CLDND1: variants seen among roughly 807,000 people sequenced by gnomAD.
CLDND1 encodes the protein claudin domain-containing protein 1.
CLDND1 carries 13 observed loss-of-function variants against 26.3 expected under a neutral mutation model. The ratio of observed to expected loss-of-function variants is 0.49; its 90% CI spans 0.32 to 0.78. The LOEUF (loss-of-function observed/expected upper bound fraction) is 0.78, where lower values mean the gene tolerates loss of function less well. CLDND1 is among the 30% of genes least tolerant of loss of function. The probability of loss-of-function intolerance (pLI) is 0.03; values close to 1 mark genes in which losing one functional copy is unlikely to be tolerated. For missense variants in CLDND1, 289 were observed against 312.8 expected (o/e 0.92, Z 0.57); for synonymous variants, 107 against 107.0 (o/e 1.00, Z 0.00).
rs1434809578 is a variant in CLDND1 at position 98,521,450 on chromosome 3, G to A, written c.-18-8C>T. ...TCTGGCATTCAGACTGCTCTGTTTA[G>A]AAGTTGAAGAAAGAAGATAAGTTAG... On this transcript the variant is annotated splice_region_variant and splice_polypyrimidine_tract_variant and intron_variant, in intron 1 of 4. Transcript: ENST00000341181. 1 of 1,604,316 alleles carries A rather than the reference G, an allele frequency of 6.2e-7. No homozygotes were observed.
rs1166582277 is a variant in CLDND1, at chr3:98,516,721, T to C, written c.700A>G (p.Ile234Val). The change falls in exon 5 of 5, where the codon ATC becomes GTC. Residue 234 changes from isoleucine to valine, a missense_variant. Transcript: ENST00000341181. The stretch of plus-strand genomic sequence containing the variant: ...TTCCGGTTGGTGTGAGCAGCCCAGA[T>C]GAAGAGAGCAGAAGCCATGAACTGT... Reference protein sequence around the residue: ...PLQFMASALFIWAAHTNRKEY... With the variant: ...PLQFMASALFVWAAHTNRKEY... 1.2e-6 allele frequency: 2 copies of C among 1,613,990 alleles called. No homozygotes were observed. The highest frequency in any genetic ancestry group is 1.1e-5 in the South Asian group (1 of 91,068).
At position 98,518,902 on chromosome 3, in the gene CLDND1, A is replaced by G; in HGVS notation, c.386T>C (p.Ile129Thr). Residue 129 changes from isoleucine (I) to threonine (T), a missense_variant, in exon 3 of 5, where the codon ATT becomes ACT. Coordinates refer to ENST00000341181, the MANE Select transcript of CLDND1 (RefSeq NM_001040181.2). ...FVDPGNHNSG[I>T]DLLRTYLWRC... ...GTACTCACAGGTCCTAAGGAGATCA[A>G]TCCCGCTATTGTGGTTTCCGGGATC... 2.5e-6 allele frequency: 4 copies of G among 1,607,658 alleles called. No homozygotes were observed. The highest frequency in any genetic ancestry group is 3.4e-6 in the Non-Finnish European group (4 of 1,174,168).
chr3:98,521,991 A>T (rs1307294718), intron 1 of CLDND1: 2 of 395,658 alleles, frequency 5.1e-6, no homozygotes, highest in Non-Finnish European at 9.1e-6. Context: ...ACCCCGAGGG[A>T]AAGGTTGTTC....
At position 98,522,540 on chromosome 3, in the gene CLDND1, A is replaced by T. The variant is rs559280027; in HGVS notation, c.-19+309T>A. The T allele has an allele frequency of 3.9e-5, 51 of 1,295,786 alleles. No homozygotes were observed. The South Asian group carries it at 1.1e-3, about 27-fold the overall frequency. The allele number at this position is 1,295,786 out of a possible 1,614,324, so 80.3% of individuals were successfully genotyped here. A position where few individuals can be genotyped will look rare whatever the true frequency, so the allele number is the denominator to read the frequency against. ...CCCTTCATCCTGGTGCTCTCAAATG[A>T]CCTTAAAGGGTCCCAGCACTGGGAA... On this transcript the variant is annotated intron_variant, in intron 1 of 4. Coordinates refer to ENST00000341181, the MANE Select transcript of CLDND1 (RefSeq NM_001040181.2).
intron 1 of CLDND1, 164 bp downstream of exon 1, chr3:98,522,685 T>C (rs967384453): frequency 3.8e-5 from 55 of 1,460,112 alleles, no homozygotes; most frequent in Non-Finnish European, 4.0e-5. Flanking sequence ...GGTCCCCCGG[T>C]ACCCGACCAG....
At position 98,515,541 on chromosome 3, in the gene CLDND1, T is replaced by G; in HGVS notation, c.*1118A>C. On this transcript the variant is annotated 3_prime_UTR_variant, in exon 5 of 5. Coordinates refer to ENST00000341181, the MANE Select transcript of CLDND1 (RefSeq NM_001040181.2). ...AGACATTGAGGTTATGGTAAGAAATTATGAAGTTACATTTTTTTAATCTGT... is the reference window on the plus strand; with the variant it reads ...AGACATTGAGGTTATGGTAAGAAATGATGAAGTTACATTTTTTTAATCTGT... The G allele has an allele frequency of 1.1e-6, 1 of 876,888 alleles. No individual in the cohort carries two copies. Among genetic ancestry groups the G allele is most frequent in the Non-Finnish European group, 1.4e-6 (1 of 702,256 alleles). The allele number at this position is 876,888 out of a possible 1,614,324, so 54.3% of individuals were successfully genotyped here.
At chr3:98,519,374 T>C (rs150908131) in intron 2 of CLDND1, among the ~76,000 whole-genome samples, 3 of 152,336 alleles carry the variant, frequency 2.0e-5, no homozygotes, top group African/African-American at 7.2e-5. Context: ...TTCCAGTTCC[T>C]CAGACCAGAA....
chr3:98,522,354 T>C (rs141305899), intron 1 of CLDND1: 24 of 204,636 alleles, frequency 1.2e-4, no homozygotes, highest in African/African-American at 5.4e-4. Flanking sequence ...ACGGCAAGTA[T>C]ACACCGTGAC....
At chr3:98,518,413 T>TTC (rs1706252532) in intron 3 of CLDND1, among the ~76,000 whole-genome samples, 2 of 152,284 alleles carry the variant, frequency 1.3e-5, no homozygotes, top group African/African-American at 4.8e-5. Flanking sequence ...AATAAATACT[T>TTC]TCATCTTTTT....
At chr3:98,522,458 G>T in intron 1 of CLDND1, 2 of 891,306 alleles carry the variant, frequency 2.2e-6, no homozygotes, top group Non-Finnish European at 2.8e-6. Context: ...AAAGATAAGA[G>T]CAATGACAAC....
intron 1 of CLDND1, chr3:98,521,729 C>G (rs1309062920): frequency 6.3e-7 from 1 of 1,593,680 alleles, no homozygotes; most frequent in African/African-American, 1.3e-5. Flanking sequence ...CTGAAATGGA[C>G]ATACACATTA....
rs372116062 is a variant in CLDND1 at position 98,522,877 on chromosome 3, C to G, written c.-47G>C. 3.1e-6 allele frequency: 5 copies of G among 1,613,612 alleles called. No homozygotes were observed. The highest frequency in any genetic ancestry group is 1.3e-5 in the African/African-American group (1 of 74,888). ...CCATCCTCCTGCTCCGCCAGCTTCA[C>G]CCTCTAGCTCAGACCACAGCACCCT... On this transcript the variant is annotated 5_prime_UTR_variant, in exon 1 of 5. Transcript: ENST00000341181.
Position 98,516,376 on chromosome 3 carries a change from T to C in CLDND1, c.*283A>G, listed in dbSNP as rs151064598. The C allele has an allele frequency of 3.8e-5, 44 of 1,167,442 alleles. No homozygotes were observed. In the African/African-American group the frequency reaches 6.7e-4, roughly 18 times the overall value. The allele number at this position is 1,167,442 out of a possible 1,614,324, so 72.3% of individuals were successfully genotyped here. A position where few individuals can be genotyped will look rare whatever the true frequency, so the allele number is the denominator to read the frequency against. Reference sequence around the variant, plus strand: ...CACAACTTGTTTTCGGTCACATTCCTACTCCCAATTTTCTTTCATAAATTT... The same window carrying C: ...CACAACTTGTTTTCGGTCACATTCCCACTCCCAATTTTCTTTCATAAATTT... On this transcript the variant is annotated 3_prime_UTR_variant, in exon 5 of 5. Transcript: ENST00000341181.
Position 98,518,875 on chromosome 3 carries a change from A to C in CLDND1, c.403+10T>G. 1 of 1,500,522 alleles carries C rather than the reference A, an allele frequency of 6.7e-7. No homozygotes were observed. The highest frequency in any genetic ancestry group is 9.3e-7 in the Non-Finnish European group (1 of 1,076,772). The allele number at this position is 1,500,522 out of a possible 1,614,324, so 93.0% of individuals were successfully genotyped here. On this transcript the variant is annotated intron_variant, in intron 3 of 4. Transcript: ENST00000341181. ...TCCCCCAACTGTCCTGGTGAAATCA[A>C]AGTACTCACAGGTCCTAAGGAGATC...
At chr3:98,518,788 T>C in intron 3 of CLDND1, 97 bp downstream of exon 3, 2 of 725,818 alleles carry the variant, frequency 2.8e-6, no homozygotes, top group Non-Finnish European at 4.9e-6. Context: ...GTTGGCACAA[T>C]CTACTAACTC....
At chr3:98,518,673 G>C (rs1198753438) in intron 3 of CLDND1, 1 of 536,964 alleles carries the variant, frequency 1.9e-6, no homozygotes, top group Non-Finnish European at 3.3e-6. Flanking sequence ...TGAAGTAGTT[G>C]GCCCTGTCAA....
At chr3:98,522,811 G>C (rs201248307) in intron 1 of CLDND1, 38 bp downstream of exon 1, 1 of 1,613,604 alleles carries the variant, frequency 6.2e-7, no homozygotes. Flanking sequence ...GAACCGCGAC[G>C]CGACCCCTGC....
At position 98,516,141 on chromosome 3, in the gene CLDND1, T is replaced by C; in HGVS notation, c.*518A>G. On this transcript the variant is annotated 3_prime_UTR_variant, in exon 5 of 5. Transcript: ENST00000341181. The stretch of plus-strand genomic sequence containing the variant: ...CTCAGATGAAGCTATGTGTCAATGC[T>C]TAGGGAAAATGATCTTAGATAATTT... 14 of 1,052,246 alleles carry C rather than the reference T, an allele frequency of 1.3e-5. No homozygotes were observed. The highest frequency in any genetic ancestry group is 1.6e-5 in the Non-Finnish European group (14 of 869,856). 65.2% of individuals were successfully genotyped at this position (1,052,246 alleles called of 1,614,324 possible). A position where few individuals can be genotyped will look rare whatever the true frequency, so the allele number is the denominator to read the frequency against.
At chr3:98,521,732 A>G in intron 1 of CLDND1, 1 of 1,586,336 alleles carries the variant, frequency 6.3e-7, no homozygotes, top group African/African-American at 1.3e-5. Context: ...AAATGGACAT[A>G]CACATTACAG....
Sources: allele counts gnomAD v4.1 joint callset (sites outside exome capture counted in the v4.1 genomes callset), GRCh38; gene constraint gnomAD v4.1.1; transcripts MANE v1.5; gene names NCBI Gene and HGNC (gene_info 2026-07-23, HGNC 2026-07-21).